The following GANC variants were observed in gnomAD, a reference collection of about 807,000 sequenced individuals.
GANC encodes neutral alpha-glucosidase C.
GANC carries 117 observed loss-of-function variants against 124.2 expected under a neutral mutation model. That is an observed-to-expected ratio of 0.94 (90% CI 0.81 to 1.10). The LOEUF is 1.10. Ranked by LOEUF, GANC falls within the 50% of genes least tolerant of loss-of-function variation. The pLI is 0.00. For synonymous variants in GANC, 377 were observed against 376.8 expected, an observed-to-expected ratio of 1.00 and a Z score of -0.01; for missense variants, 1,140 against 1,095.0, an observed-to-expected ratio of 1.04 and a Z score of -0.58.
At position 42,352,377 on chromosome 15, in the gene GANC, A is replaced by G. The variant is rs1019715991; in HGVS notation, c.*238A>G. The G allele has an allele frequency of 3.8e-6, 5 of 1,299,980 alleles. No individual in the cohort carries two copies. Among genetic ancestry groups the G allele is most frequent in the Non-Finnish European group, 4.9e-6 (5 of 1,016,886 alleles). The allele number at this position is 1,299,980 out of a possible 1,614,324, so 80.5% of individuals were successfully genotyped here. ...AAACATCTCCTTTTCTCCCTGATAC[A>G]TAGCCCTGAGACATTTATAGCGTTC... On this transcript the variant is annotated 3_prime_UTR_variant, in exon 24 of 24. Coordinates refer to ENST00000318010, the MANE Select transcript of GANC (RefSeq NM_198141.3).
At position 42,349,296 on chromosome 15, in the gene GANC, A is replaced by T; in HGVS notation, c.2419-87A>T. On this transcript the variant is annotated intron_variant, in intron 21 of 23. Coordinates refer to ENST00000318010, the MANE Select transcript of GANC (RefSeq NM_198141.3). ...AGCTTGAATTTTTCACAAACTTTTT[A>T]CTCTGTTGTTACCCTTTAGGAGCTG... The T allele has an allele frequency of 1.1e-5, 9 of 820,528 alleles. No individual in the cohort carries two copies. The South Asian group carries it at 1.4e-4, about 12-fold the overall frequency. 50.8% of individuals were successfully genotyped at this position (820,528 alleles called of 1,614,324 possible). A position where few individuals can be genotyped will look rare whatever the true frequency, so the allele number is the denominator to read the frequency against.
At chr15:42,298,205 T>A (rs1237776468) in intron 6 of GANC, among the ~76,000 whole-genome samples, 1 of 152,080 alleles carries the variant, frequency 6.6e-6, no homozygotes, top group Non-Finnish European at 1.5e-5. Flanking sequence ...TATTCAAAGA[T>A]GTGGAGGTAG....
At position 42,321,261 on chromosome 15, in the gene GANC, C is replaced by T. The variant is rs188161161; in HGVS notation, c.1058-524C>T. 5.9e-5 allele frequency among the ~76,000 whole-genome samples: 9 copies of T among 152,274 alleles called. No individual in the cohort carries two copies. The East Asian group carries it at 9.7e-4, about 16-fold the overall frequency. ...TAAGACAAGATTCAGAATTCCTAAC[C>T]TCAATTACAGGGCCCTTGACAATCT... On this transcript the variant is annotated intron_variant, in intron 10 of 23. Coordinates refer to ENST00000318010, the MANE Select transcript of GANC (RefSeq NM_198141.3).
chr15:42,347,456 C>T (rs1292077147), intron 20 of GANC, among the ~76,000 whole-genome samples: 6 of 152,170 alleles, frequency 3.9e-5, no homozygotes, highest in Non-Finnish European at 4.4e-5. Context: ...TTCCAGAAGA[C>T]TCATAGTTAT....
Position 42,308,301 on chromosome 15 carries a change from C to G in GANC, c.705C>G (p.His235Gln). 1 of 1,605,816 alleles carries G rather than the reference C, an allele frequency of 6.2e-7. No individual in the cohort carries two copies. Reference protein sequence around the residue: ...LYGIPQHAESHQLKNTGDGDA... With the variant: ...LYGIPQHAESQQLKNTGDGDA... ...GGATCCCACAACATGCAGAATCACA[C>G]CAACTTAAAAATACTGGGTAAGTGA... is the stretch of plus-strand genomic sequence containing the variant. Residue 235 changes from histidine to glutamine, a missense_variant, in exon 8 of 24, where the codon CAC (histidine) becomes CAG (glutamine). His to Gln is a conservative substitution (Grantham distance 24). Transcript: ENST00000318010.
intron 14 of GANC, 190 bp downstream of exon 14, chr15:42,329,639 T>C: frequency 2.2e-6 from 1 of 462,406 alleles, no homozygotes; most frequent in Non-Finnish European, 3.7e-6. Flanking sequence ...GCTTCTTTTC[T>C]TTTCATGATG....
intron 5 of GANC, 76 bp downstream of exon 5, chr15:42,292,993 A>T: frequency 7.4e-7 from 1 of 1,354,374 alleles, no homozygotes; most frequent in Non-Finnish European, 1.0e-6. Context: ...CTAAATAGAT[A>T]ACATAGCACC....
At position 42,278,535 on chromosome 15, in the gene GANC, C is replaced by T. The variant is rs774469471; in HGVS notation, c.146C>T (p.Ser49Leu). ...TCCACCTATCAGGCATTATTGGATT[C>T]AGTCACAACAGATGAAGACAGCACC... ...KKSTYQALLDSVTTDEDSTRF... is the reference protein window; with the variant it reads ...KKSTYQALLDLVTTDEDSTRF... Residue 49 changes from serine (S) to leucine (L), a missense_variant, in exon 3 of 24, where the codon TCA becomes TTA. Transcript: ENST00000318010. 2.5e-6 allele frequency: 4 copies of T among 1,612,884 alleles called. No individual in the cohort carries two copies. The highest frequency in any genetic ancestry group is 1.7e-6 in the Non-Finnish European group (2 of 1,179,442).
intron 10 of GANC, among the ~76,000 whole-genome samples, chr15:42,312,313 G>T (rs540138917): frequency 6.6e-6 from 1 of 152,202 alleles, no homozygotes; most frequent in East Asian, 1.9e-4. Flanking sequence ...TTGTGGGAGA[G>T]ACCCGGTGGG....
chr15:42,282,077 C>T (rs2051739569), intron 3 of GANC, among the ~76,000 whole-genome samples: 1 of 152,168 alleles, frequency 6.6e-6, no homozygotes, highest in African/African-American at 2.4e-5. Flanking sequence ...AATCCCAGCA[C>T]TTTGGTAGGC....
At chr15:42,298,712 C>T (rs765414770) in intron 6 of GANC, among the ~76,000 whole-genome samples, 1 of 152,134 alleles carries the variant, frequency 6.6e-6, no homozygotes, top group Non-Finnish European at 1.5e-5. Flanking sequence ...AATGTTTTAT[C>T]ATTTGTGTTC....
intron 16 of GANC, 133 bp from the exon 17 acceptor site, chr15:42,339,536 G>C (rs577344588): frequency 9.5e-7 from 1 of 1,051,892 alleles, no homozygotes; most frequent in African/African-American, 1.6e-5. Flanking sequence ...CCTGTTTGAG[G>C]CCACGGCTTT....
At chr15:42,334,332 T>C (rs2052268170) in intron 15 of GANC, among the ~76,000 whole-genome samples, 1 of 152,106 alleles carries the variant, frequency 6.6e-6, no homozygotes, top group Non-Finnish European at 1.5e-5. Flanking sequence ...TGGCTAACTT[T>C]TACATTTTTA....
At chr15:42,351,922 G>A in intron 23 of GANC, 108 bp from the exon 24 acceptor site, 1 of 1,358,448 alleles carries the variant, frequency 7.4e-7, no homozygotes, top group Admixed American at 2.2e-5. Context: ...TTTGGAGTGG[G>A]GTATAAGGTT....
At chr15:42,349,054 G>A (rs1158875321) in intron 21 of GANC, among the ~76,000 whole-genome samples, 6 of 152,034 alleles carry the variant, frequency 3.9e-5, no homozygotes, top group East Asian at 1.9e-4. Flanking sequence ...TTTTAACATC[G>A]TTGTCATTCA....
At chr15:42,340,827 T>C in intron 18 of GANC, 73 bp downstream of exon 18, 3 of 1,240,334 alleles carry the variant, frequency 2.4e-6, no homozygotes, top group Non-Finnish European at 3.4e-6. Context: ...AGTGCAGTGA[T>C]GCTATCTCGG....
chr15:42,287,672 C>G lies in GANC; in HGVS notation c.202-19C>G, dbSNP rs1373030346. Reference sequence around the variant, plus strand: ...ACTTGGGTAACCTGTTGAAGGTAATCTCTTGTATCTGTTTCCAGGTTCCTC... The same window carrying G: ...ACTTGGGTAACCTGTTGAAGGTAATGTCTTGTATCTGTTTCCAGGTTCCTC... On this transcript the variant is annotated intron_variant, in intron 3 of 23. Coordinates refer to ENST00000318010, the MANE Select transcript of GANC (RefSeq NM_198141.3). 4.4e-6 allele frequency: 7 copies of G among 1,604,600 alleles called. No individual in the cohort carries two copies. The highest frequency in any genetic ancestry group is 5.9e-6 in the Non-Finnish European group (7 of 1,176,850).
rs142891618 is a variant in GANC, at chr15:42,327,378, T to G, written c.1436T>G (p.Leu479Arg). 1.2e-6 allele frequency: 2 copies of G among 1,612,772 alleles called. No homozygotes were observed. Among genetic ancestry groups the G allele is most frequent in the African/African-American group, 2.7e-5 (2 of 74,882 alleles). Residue 479 changes from leucine (L) to arginine (R), a missense_variant, in exon 13 of 24, where the codon CTG becomes CGG. Coordinates refer to ENST00000318010, the MANE Select transcript of GANC (RefSeq NM_198141.3). Reference sequence around the variant, plus strand: ...GCCTCCACAGGTCTCTCCTCTTACCTGGATTTCACCAATCCCAAGGTCAGA... The same window carrying G: ...GCCTCCACAGGTCTCTCCTCTTACCGGGATTTCACCAATCCCAAGGTCAGA... ...GVCWPGLSSYLDFTNPKVREW... is the reference protein window; with the variant it reads ...GVCWPGLSSYRDFTNPKVREW...
At chr15:42,331,641 A>G (rs765516136) in intron 15 of GANC, among the ~76,000 whole-genome samples, 6 of 152,206 alleles carry the variant, frequency 3.9e-5, no homozygotes, top group Non-Finnish European at 8.8e-5. Flanking sequence ...AAATATTACA[A>G]TCTCAGGCAA....
Sources: gnomAD v4.1 joint callset for allele counts (sites outside exome capture counted in the v4.1 genomes callset) on GRCh38, gnomAD v4.1.1 for gene constraint, MANE v1.5 for transcripts, NCBI Gene and HGNC (gene_info 2026-07-23, HGNC 2026-07-21) for gene names.